LRP1B: variants seen among roughly 807,000 people sequenced by gnomAD.
LRP1B encodes LDL receptor related protein 1B, also known as low-density lipoprotein receptor-related protein 1B.
In LRP1B, 217 loss-of-function variants were observed where a neutral mutation model predicts 556.6. The ratio of observed to expected loss-of-function variants is 0.39; its 90% CI spans 0.35 to 0.44. LRP1B has a LOEUF of 0.44. Ranked by LOEUF, LRP1B falls within the 20% of genes least tolerant of loss-of-function variation. The pLI is 1.00. For synonymous variants in LRP1B, 2,047 were observed against 1,865.8 expected (o/e 1.10, Z -2.50); for missense variants, 5,053 against 5,620.8 (o/e 0.90, Z 3.23).
At chr2:141,045,708 AC>A (rs1698848990) in intron 11 of LRP1B, among the ~76,000 whole-genome samples, 1 of 152,016 alleles carries the variant, frequency 6.6e-6, no homozygotes, top group African/African-American at 2.4e-5. Flanking sequence ...TATCCTCTTT[AC>A]TGAAGCATTC....
chr2:140,505,493 T>C (rs1384279841), intron 53 of LRP1B, among the ~76,000 whole-genome samples: 1 of 152,244 alleles, frequency 6.6e-6, no homozygotes, highest in Non-Finnish European at 1.5e-5. Flanking sequence ...TGACATAATA[T>C]GTTATTGTAC....
At chr2:140,283,284 TTAA>T (rs1358989867) in intron 84 of LRP1B, among the ~76,000 whole-genome samples, 2 of 151,816 alleles carry the variant, frequency 1.3e-5, no homozygotes, top group Non-Finnish European at 2.9e-5. Context: ...CCTAAGATTT[TTAA>T]TAATTAAACT....
At chr2:140,886,814 G>A (rs1432812614) in intron 23 of LRP1B, among the ~76,000 whole-genome samples, 1 of 152,254 alleles carries the variant, frequency 6.6e-6, no homozygotes, top group East Asian at 1.9e-4. Context: ...CTTATAGTTA[G>A]GGAGTGCTTC....
Position 142,010,597 on chromosome 2 carries a change from A to T in LRP1B, c.82+120051T>A, listed in dbSNP as rs550531493. On this transcript the variant is annotated intron_variant, in intron 1 of 90. Transcript: ENST00000389484. ...AAAAAAAAGAAAGAAATCATGCCTTACCTCTTTCTTTGCAAGTATAACAGC... is the reference window on the plus strand; with the variant it reads ...AAAAAAAAGAAAGAAATCATGCCTTTCCTCTTTCTTTGCAAGTATAACAGC... 2.0e-5 allele frequency among the ~76,000 whole-genome samples: 3 copies of T among 149,122 alleles called. No individual in the cohort carries two copies. In the South Asian group the frequency reaches 6.4e-4, roughly 32 times the overall value.
chr2:140,376,319 A>G (rs1558839236), intron 68 of LRP1B, among the ~76,000 whole-genome samples: 1 of 152,204 alleles, frequency 6.6e-6, no homozygotes, highest in African/African-American at 2.4e-5. Context: ...CACTTTGCAT[A>G]TCTTGTGAAT....
intron 3 of LRP1B, among the ~76,000 whole-genome samples, chr2:141,379,049 C>T (rs114832550): frequency 0.022 from 3,348 of 152,164 alleles, 121 homozygotes; most frequent in African/African-American, 0.074. Flanking sequence ...ACAAAAAGAT[C>T]CATCCAACCT....
intron 1 of LRP1B, among the ~76,000 whole-genome samples, chr2:142,088,740 C>T (rs1706044530): frequency 6.6e-6 from 1 of 152,036 alleles, no homozygotes; most frequent in African/African-American, 2.4e-5. Flanking sequence ...CTTTGGGAGG[C>T]TGAGGAGGGA....
In LRP1B at chr2:140,495,705, G is replaced by A; in HGVS notation, c.8894C>T (p.Thr2965Ile). 6.2e-7 allele frequency: 1 copy of A among 1,612,888 alleles called. No individual in the cohort carries two copies. The highest frequency in any genetic ancestry group is 1.1e-5 in the South Asian group (1 of 91,038). The change falls in exon 56 of 91, where the codon ACA becomes ATA. Residue 2965 changes from threonine (T) to isoleucine (I), a missense_variant. Physicochemically the swap from Thr to Ile is moderately conservative, Grantham distance 89. Transcript: ENST00000389484. ...PGFQLKDDGK[T>I]CVDIDECSSG... Reference sequence around the variant, plus strand: ...AGAGCATTCATCAATGTCTACACATGTTTTGCCGTCATCCTTCAGTTGGAA... The same window carrying A: ...AGAGCATTCATCAATGTCTACACATATTTTGCCGTCATCCTTCAGTTGGAA...
At chr2:141,191,881 A>C (rs1681527571) in intron 6 of LRP1B, among the ~76,000 whole-genome samples, 1 of 151,950 alleles carries the variant, frequency 6.6e-6, no homozygotes, top group South Asian at 2.1e-4. Context: ...AGTCCATTCA[A>C]TGACCCATCC....
At chr2:140,264,323 G>T (rs1573704991) in intron 86 of LRP1B, among the ~76,000 whole-genome samples, 1 of 152,172 alleles carries the variant, frequency 6.6e-6, no homozygotes, top group East Asian at 1.9e-4. Flanking sequence ...CTGCCTCCCG[G>T]GTTCAAGTCA....
At chr2:140,863,130 C>T (rs985264380) in intron 27 of LRP1B, among the ~76,000 whole-genome samples, 1 of 152,008 alleles carries the variant, frequency 6.6e-6, no homozygotes, top group Non-Finnish European at 1.5e-5. Flanking sequence ...TAAAATCAAT[C>T]TCTCTATCTC....
intron 56 of LRP1B, 28 bp downstream of exon 56, chr2:140,495,537 G>A (rs1328323502): frequency 6.4e-7 from 1 of 1,553,072 alleles, no homozygotes; most frequent in Admixed American, 1.7e-5. Context: ...AACTGAGGTT[G>A]GATCAGTGGG....
chr2:141,290,097 T>C (rs1283570703), intron 3 of LRP1B, among the ~76,000 whole-genome samples: 1 of 152,152 alleles, frequency 6.6e-6, no homozygotes, highest in Non-Finnish European at 1.5e-5. Context: ...CAGTCTTTGC[T>C]CATGAACATT....
At chr2:141,051,487 G>A (rs1699034093) in intron 10 of LRP1B, among the ~76,000 whole-genome samples, 1 of 151,994 alleles carries the variant, frequency 6.6e-6, no homozygotes, top group Non-Finnish European at 1.5e-5. Context: ...GGATACAGAT[G>A]AAGCTAGAAG....
chr2:140,283,441 C>G (rs948064297), intron 84 of LRP1B, among the ~76,000 whole-genome samples: 41 of 151,770 alleles, frequency 2.7e-4, no homozygotes, highest in African/African-American at 9.2e-4. Flanking sequence ...AAATTTTCAT[C>G]ATGAAAGCAT....
intron 1 of LRP1B, among the ~76,000 whole-genome samples, chr2:141,922,180 G>C (rs1041308457): frequency 6.6e-6 from 1 of 152,144 alleles, no homozygotes; most frequent in Non-Finnish European, 1.5e-5. Context: ...TATTAGGCAT[G>C]CATGAAAAAG....
chr2:141,093,386 T>C (rs1211644395), intron 7 of LRP1B, among the ~76,000 whole-genome samples: 1 of 152,116 alleles, frequency 6.6e-6, no homozygotes, highest in Non-Finnish European at 1.5e-5. Context: ...GGTGAAGGAT[T>C]GAGAAGGAAT....
At chr2:142,071,313 TCTC>T (rs1705301970) in intron 1 of LRP1B, among the ~76,000 whole-genome samples, 1 of 151,992 alleles carries the variant, frequency 6.6e-6, no homozygotes, top group Non-Finnish European at 1.5e-5. Flanking sequence ...TCTGGATTTC[TCTC>T]CTACCTTTCT....
intron 2 of LRP1B, among the ~76,000 whole-genome samples, chr2:141,591,447 A>G (rs1055323407): frequency 6.6e-6 from 1 of 151,992 alleles, no homozygotes; most frequent in Non-Finnish European, 1.5e-5. Flanking sequence ...AATGTTAAAA[A>G]AGCTAATATG....
Sources: gnomAD v4.1 joint callset for allele counts (sites outside exome capture counted in the v4.1 genomes callset) on GRCh38, gnomAD v4.1.1 for gene constraint, MANE v1.5 for transcripts, NCBI Gene and HGNC (gene_info 2026-07-23, HGNC 2026-07-21) for gene names.